Variants in TRIM42 observed in about 807,000 individuals in gnomAD.
The protein encoded by TRIM42 is tripartite motif-containing protein 42.
TRIM42 carries 59 observed loss-of-function variants against 64.9 expected under a neutral mutation model. That is an observed-to-expected ratio of 0.91 (90% CI 0.74 to 1.13). The LOEUF is 1.13. TRIM42 is among the 50% of genes most tolerant of loss of function. The pLI is 0.00. For synonymous variants in TRIM42, 354 were observed against 346.3 expected, an observed-to-expected ratio of 1.02 and a Z score of -0.25; for missense variants, 878 against 929.5, an observed-to-expected ratio of 0.94 and a Z score of 0.72.
Position 140,678,590 on chromosome 3 carries a change from T to C in TRIM42, c.341+20T>C, listed in dbSNP as rs1399615291. 6.3e-7 allele frequency: 1 copy of C among 1,598,160 alleles called. No individual in the cohort carries two copies. The highest frequency in any genetic ancestry group is 8.5e-7 in the Non-Finnish European group (1 of 1,170,308). On this transcript the variant is annotated intron_variant, in intron 1 of 4. Coordinates refer to ENST00000286349, the MANE Select transcript of TRIM42 (RefSeq NM_152616.5). ...TACCTCGTAAGTGCCAGGCACCAGA[T>C]GTGGGGCCGCATTGGGTCATGAAAA... is the stretch of plus-strand genomic sequence containing the variant.
rs746493770 is a variant in TRIM42, at chr3:140,682,576, G to A, written c.456G>A (p.Leu152=). ...TCAATTGCCCCATGTGCAGCCGGCTGCGCCTGCACTCATTCATGCTGCCCT... is the reference window on the plus strand; with the variant it reads ...TCAATTGCCCCATGTGCAGCCGGCTACGCCTGCACTCATTCATGCTGCCCT... ...NHLNCPMCSR[L]RLHSFMLPCN... Residue 152 remains leucine (L), a synonymous_variant, in exon 2 of 5, where the codon CTG becomes CTA. Coordinates refer to ENST00000286349, the MANE Select transcript of TRIM42 (RefSeq NM_152616.5). The A allele has an allele frequency of 1.2e-5, 19 of 1,614,090 alleles. No homozygotes were observed. The highest frequency in any genetic ancestry group is 8.3e-5 in the Admixed American group (5 of 60,010).
chr3:140,678,965 T>A (rs1988285574), intron 1 of TRIM42, among the ~76,000 whole-genome samples: 1 of 152,044 alleles, frequency 6.6e-6, no homozygotes, highest in South Asian at 2.1e-4. Context: ...AGCCCCAGGA[T>A]CACACAGCTG....
chr3:140,683,208 A>C, intron 2 of TRIM42, 49 bp downstream of exon 2: 1 of 1,578,560 alleles, frequency 6.3e-7, no homozygotes, highest in Non-Finnish European at 8.7e-7. Context: ...TCAGGAACAC[A>C]TGGGGAAGAT....
intron 2 of TRIM42, 47 bp from the exon 3 acceptor site, chr3:140,687,675 C>T (rs1427570557): frequency 1.4e-6 from 2 of 1,445,872 alleles, no homozygotes; most frequent in South Asian, 1.4e-5. Context: ...ACTTTGACAC[C>T]TGGGGAGATG....
intron 4 of TRIM42, among the ~76,000 whole-genome samples, 189 bp from the exon 5 acceptor site, chr3:140,700,698 TG>T (rs1452316557): frequency 6.6e-6 from 1 of 152,230 alleles, no homozygotes; most frequent in Non-Finnish European, 1.5e-5. Context: ...ACTATAGCTG[TG>T]GGGCTTTGGG....
chr3:140,680,636 T>C (rs1293880341), intron 1 of TRIM42: 13 of 983,682 alleles, frequency 1.3e-5, no homozygotes, highest in Non-Finnish European at 1.2e-5. Flanking sequence ...AGGCACTACA[T>C]GGACAATTAA....
intron 2 of TRIM42, 80 bp downstream of exon 2, chr3:140,683,239 GTGAGT>G: frequency 4.9e-6 from 7 of 1,438,760 alleles, no homozygotes; most frequent in Non-Finnish European, 4.8e-6. Context: ...AATCTGTTAA[GTGAGT>G]GCCTTAACAG....
At position 140,682,948 on chromosome 3, in the gene TRIM42, C is replaced by G. The variant is rs1329937054; in HGVS notation, c.828C>G (p.Val276=). The stretch of plus-strand genomic sequence containing the variant: ...CGGATGTGGCCATGCAAGACCACGT[C>G]TTTGTGGACACCAGCGCCGAGGAAC... ...FHSDVAMQDH[V]FVDTSAEEQD... is the part of the protein sequence containing the mutation. The change falls in exon 2 of 5, where the codon GTC becomes GTG. Residue 276 remains valine (V), a synonymous_variant. Coordinates refer to ENST00000286349, the MANE Select transcript of TRIM42 (RefSeq NM_152616.5). 1 of 1,614,258 alleles carries G rather than the reference C, an allele frequency of 6.2e-7. No individual in the cohort carries two copies. The highest frequency in any genetic ancestry group is 1.7e-5 in the Admixed American group (1 of 60,030).
At position 140,688,402 on chromosome 3, in the gene TRIM42, T is replaced by C; in HGVS notation, c.1720T>C (p.Tyr574His). The C allele has an allele frequency of 6.2e-7, 1 of 1,614,150 alleles. No individual in the cohort carries two copies. Among genetic ancestry groups the C allele is most frequent in the Non-Finnish European group, 8.5e-7 (1 of 1,180,010 alleles). ...PAKPTDGLYTYWSAGADSQSV... is the reference protein window; with the variant it reads ...PAKPTDGLYTHWSAGADSQSV... ...CAAACCCACAGACGGCCTCTACACC[T>C]ACTGGAGTGCTGGAGCAGACAGCCA... Residue 574 changes from tyrosine to histidine, a missense_variant, in exon 3 of 5, where the codon TAC becomes CAC. Tyr to His is a moderately conservative substitution (Grantham distance 83). Coordinates refer to ENST00000286349, the MANE Select transcript of TRIM42 (RefSeq NM_152616.5).
chr3:140,693,493 A>C (rs1988773621), intron 4 of TRIM42, among the ~76,000 whole-genome samples: 1 of 152,238 alleles, frequency 6.6e-6, no homozygotes, highest in African/African-American at 2.4e-5. Flanking sequence ...TGGTTTCCTT[A>C]ACATTTGTCA....
At chr3:140,691,800 C>G (rs570589445) in intron 4 of TRIM42, among the ~76,000 whole-genome samples, 1 of 152,244 alleles carries the variant, frequency 6.6e-6, no homozygotes, top group Non-Finnish European at 1.5e-5. Flanking sequence ...AAGACTTACT[C>G]TTCTTTATAT....
rs1988696398 is a variant in TRIM42 at position 140,691,003 on chromosome 3, T to C, written c.1896T>C (p.Ser632=). 2 of 1,613,960 alleles carry C rather than the reference T, an allele frequency of 1.2e-6. No homozygotes were observed. The highest frequency in any genetic ancestry group is 1.1e-5 in the South Asian group (1 of 91,080). ...CATGTCCAGCAGAAGACGTGGACTC[T>C]TTTGAGATGGAATTCTATGAAGTCA... ...YWTCPAEDVD[S]FEMEFYEVIT... The change falls in exon 4 of 5, where the codon TCT becomes TCC. Residue 632 remains serine (S), a synonymous_variant. Transcript: ENST00000286349.
chr3:140,684,936 G>A (rs902140090), intron 2 of TRIM42, among the ~76,000 whole-genome samples: 1 of 152,124 alleles, frequency 6.6e-6, no homozygotes, highest in African/African-American at 2.4e-5. Context: ...TCTGAGTCCA[G>A]GGCACCTAAA....
chr3:140,688,532 G>A lies in TRIM42; in HGVS notation c.1850G>A (p.Arg617Lys). The change falls in exon 3 of 5, where the codon AGA becomes AAA. Residue 617 changes from arginine (R) to lysine (K), a missense_variant. Transcript: ENST00000286349. ...ATCTACCAGACTCTGGTGTACCCAA[G>A]AGCTGCCAAGGTAAGAAAGGTTCTG... ...IVIYQTLVYP[R>K]AAKVYWTCPA... 1.9e-6 allele frequency: 3 copies of A among 1,607,474 alleles called. No homozygotes were observed. In the Admixed American group the frequency reaches 5.1e-5, roughly 27 times the overall value.
chr3:140,698,919 TG>T (rs1190953286), intron 4 of TRIM42, among the ~76,000 whole-genome samples: 1 of 152,206 alleles, frequency 6.6e-6, no homozygotes, highest in Non-Finnish European at 1.5e-5. Flanking sequence ...CATAAAATTG[TG>T]GCAGTGTTAG....
At position 140,679,033 on chromosome 3, in the gene TRIM42, G is replaced by A. The variant is rs191170958; in HGVS notation, c.341+463G>A. ...TTTGGGATCTTAACTTTAAAATGCT[G>A]TATTGCAAAACGGAGACAATACCCC... On this transcript the variant is annotated intron_variant, in intron 1 of 4. Transcript: ENST00000286349. Among the ~76,000 whole-genome samples the A allele has an allele frequency of 1.0e-4, 15 of 146,404 alleles. No homozygotes were observed. In the East Asian group the frequency reaches 2.5e-3, roughly 24 times the overall value.
chr3:140,693,464 A>G (rs994529060), intron 4 of TRIM42, among the ~76,000 whole-genome samples: 3 of 152,240 alleles, frequency 2.0e-5, no homozygotes, highest in Admixed American at 6.5e-5. Context: ...TGGTTATATT[A>G]GCATTCCAGA....
intron 4 of TRIM42, among the ~76,000 whole-genome samples, chr3:140,699,226 A>G (rs1407394362): frequency 6.6e-6 from 1 of 152,190 alleles, no homozygotes; most frequent in Non-Finnish European, 1.5e-5. Flanking sequence ...AGTTTACTTC[A>G]GTTAGCTCGT....
At chr3:140,678,638 G>A (rs958125348) in intron 1 of TRIM42, 68 bp downstream of exon 1, 33 of 1,359,138 alleles carry the variant, frequency 2.4e-5, no homozygotes, top group Non-Finnish European at 3.3e-5. Context: ...TGCCAGCTGT[G>A]AAGTCTACAG....
Sources: gnomAD v4.1 joint callset for allele counts (sites outside exome capture counted in the v4.1 genomes callset) on GRCh38, gnomAD v4.1.1 for gene constraint, MANE v1.5 for transcripts, NCBI Gene and HGNC (gene_info 2026-07-23, HGNC 2026-07-21) for gene names.